SLC27A2: variants seen among roughly 807,000 people sequenced by gnomAD.
SLC27A2 encodes solute carrier family 27 member 2, also known as long-chain fatty acid transport protein 2.
In SLC27A2, 54 loss-of-function variants were observed where a neutral mutation model predicts 60.0. The ratio of observed to expected loss-of-function variants is 0.90; its 90% CI spans 0.72 to 1.13. The LOEUF is 1.13. Among genes scored for constraint, SLC27A2 ranks in the 50% most tolerant of loss-of-function variants. The pLI is 0.00. For missense variants in SLC27A2, 739 were observed against 777.6 expected (o/e 0.95, Z 0.59); for synonymous variants, 297 against 297.6 (o/e 1.00, Z 0.02).
intron 8 of SLC27A2, among the ~76,000 whole-genome samples, chr15:50,231,520 A>AC (rs1033918935): frequency 2.1e-4 from 32 of 152,182 alleles, no homozygotes; most frequent in South Asian, 2.1e-4. Flanking sequence ...TTTAAAAAAA[A>AC]ACACACACAC....
rs1481765591 is a variant in SLC27A2, at chr15:50,216,642, A to G, written c.973-6323A>G. ...TATATATATATATATATATATATAT[A>G]TATATATATATATAGTATAGTTTGA... is the stretch of plus-strand genomic sequence containing the variant. On this transcript the variant is annotated intron_variant, in intron 4 of 9. Coordinates refer to ENST00000267842, the MANE Select transcript of SLC27A2 (RefSeq NM_003645.4). Among the ~76,000 whole-genome samples the G allele has an allele frequency of 1.8e-4, 21 of 118,406 alleles. 1 individual carries two copies. Among genetic ancestry groups the G allele is most frequent in the Admixed American group, 5.9e-4 (7 of 11,910 alleles). The allele number at this position is 118,406 out of a possible 152,430, so 77.7% of individuals were successfully genotyped here. A position where few individuals can be genotyped will look rare whatever the true frequency, so the allele number is the denominator to read the frequency against.
chr15:50,206,525 C>A (rs1382045409), intron 4 of SLC27A2, among the ~76,000 whole-genome samples: 1 of 152,210 alleles, frequency 6.6e-6, no homozygotes, highest in African/African-American at 2.4e-5. Context: ...TTTACTCAGT[C>A]TCTGCCCAGA....
chr15:50,234,562 GA>G (rs2045337807), intron 9 of SLC27A2, among the ~76,000 whole-genome samples: 1 of 142,740 alleles, frequency 7.0e-6, no homozygotes, highest in Non-Finnish European at 1.5e-5. Flanking sequence ...ACTCCAGCCT[GA>G]GCAATGGAGT....
At chr15:50,193,487 C>T (rs760954786) in intron 1 of SLC27A2, among the ~76,000 whole-genome samples, 6 of 152,216 alleles carry the variant, frequency 3.9e-5, no homozygotes, top group South Asian at 2.1e-4. Context: ...AACTTATGAA[C>T]GGATTGTTTG....
chr15:50,228,894 C>A, intron 7 of SLC27A2, 51 bp from the exon 8 acceptor site: 1 of 1,269,568 alleles, frequency 7.9e-7, no homozygotes, highest in Non-Finnish European at 1.2e-6. Context: ...GACATTGCAA[C>A]CTGGGCCAGA....
intron 4 of SLC27A2, among the ~76,000 whole-genome samples, chr15:50,205,783 G>C (rs1413579593): frequency 6.6e-6 from 1 of 152,178 alleles, no homozygotes; most frequent in Non-Finnish European, 1.5e-5. Context: ...GCAGGAGTTT[G>C]TGTTCATGTC....
At chr15:50,226,595 G>A (rs763589163) in intron 6 of SLC27A2, among the ~76,000 whole-genome samples, 24 of 152,124 alleles carry the variant, frequency 1.6e-4, no homozygotes, top group African/African-American at 5.1e-4. Context: ...AGCTGGGCAC[G>A]ATGGCACACA....
At position 50,203,805 on chromosome 15, in the gene SLC27A2, C is replaced by T. The variant is rs192119894; in HGVS notation, c.847+1160C>T. On this transcript the variant is annotated intron_variant, in intron 3 of 9. Transcript: ENST00000267842. The stretch of plus-strand genomic sequence containing the variant: ...GTAGTGCCTTCATGAAAGGTAGTGC[C>T]CTTATCAGAACAGGAGACAGCCAGC... 7.2e-5 allele frequency among the ~76,000 whole-genome samples: 11 copies of T among 152,024 alleles called. No homozygotes were observed. In the East Asian group the frequency reaches 1.9e-3, roughly 27 times the overall value.
intron 1 of SLC27A2, among the ~76,000 whole-genome samples, chr15:50,196,053 C>CAAAAAAAAAAAAAAAAAA (rs1163958587): frequency 5.5e-4 from 1 of 1,822 alleles, no homozygotes; most frequent in Admixed American, 0.012. Flanking sequence ...GACTCTGTCT[C>CAAAAAAAAAAAAAAAAAA]AAAAAAAAAA....
At chr15:50,202,385 C>A in intron 2 of SLC27A2, 102 bp from the exon 3 acceptor site, 1 of 1,241,984 alleles carries the variant, frequency 8.1e-7, no homozygotes, top group South Asian at 1.4e-5. Context: ...CAGTGCAATT[C>A]TCAAAATACA....
chr15:50,220,400 A>G (rs1485640751), intron 4 of SLC27A2, among the ~76,000 whole-genome samples: 3 of 152,246 alleles, frequency 2.0e-5, no homozygotes, highest in Non-Finnish European at 4.4e-5. Context: ...ATACATGTAC[A>G]TTTGGCCTCA....
intron 9 of SLC27A2, among the ~76,000 whole-genome samples, chr15:50,234,775 A>G (rs539707582): frequency 6.6e-6 from 1 of 152,038 alleles, no homozygotes; most frequent in African/African-American, 2.4e-5. Flanking sequence ...AATATATCAG[A>G]AAACAGCTAG....
At chr15:50,206,199 C>T (rs1050544657) in intron 4 of SLC27A2, among the ~76,000 whole-genome samples, 6 of 152,108 alleles carry the variant, frequency 3.9e-5, no homozygotes, top group African/African-American at 1.4e-4. Flanking sequence ...ACTTTGCCCA[C>T]GAGATGCCAG....
chr15:50,205,640 A>G (rs541808870), intron 4 of SLC27A2, among the ~76,000 whole-genome samples: 1 of 152,102 alleles, frequency 6.6e-6, no homozygotes, highest in Admixed American at 6.5e-5. Flanking sequence ...CCCTCTGCTT[A>G]CTAAAAGCCA....
chr15:50,208,147 C>T (rs2045127648), intron 4 of SLC27A2, among the ~76,000 whole-genome samples: 1 of 152,194 alleles, frequency 6.6e-6, no homozygotes, highest in African/African-American at 2.4e-5. Context: ...AACCAAGTGA[C>T]ACCCATCCAC....
intron 9 of SLC27A2, among the ~76,000 whole-genome samples, chr15:50,234,299 T>TA (rs1436632043): frequency 2.0e-5 from 3 of 151,912 alleles, no homozygotes; most frequent in Non-Finnish European, 4.4e-5. Context: ...TGAAAATTTT[T>TA]AAAAAAGGCC....
At chr15:50,203,125 T>C (rs956969014) in intron 3 of SLC27A2, among the ~76,000 whole-genome samples, 6 of 152,026 alleles carry the variant, frequency 3.9e-5, no homozygotes, top group African/African-American at 1.2e-4. Context: ...GAGTTCAAGA[T>C]TGCAGTGAGC....
At chr15:50,229,621 G>T (rs1595693140) in intron 8 of SLC27A2, among the ~76,000 whole-genome samples, 1 of 152,118 alleles carries the variant, frequency 6.6e-6, no homozygotes, top group African/African-American at 2.4e-5. Flanking sequence ...TTGACTGCAG[G>T]CAAATCACTA....
intron 4 of SLC27A2, among the ~76,000 whole-genome samples, chr15:50,206,030 G>T (rs1395471688): frequency 1.3e-5 from 2 of 152,178 alleles, no homozygotes; most frequent in Admixed American, 6.5e-5. Context: ...TCTCGATGGG[G>T]TTGTTCTCAA....
Sources: allele counts gnomAD v4.1 joint callset (sites outside exome capture counted in the v4.1 genomes callset), GRCh38; gene constraint gnomAD v4.1.1; transcripts MANE v1.5; gene names NCBI Gene and HGNC (gene_info 2026-07-23, HGNC 2026-07-21).